Variants in ZHX2 observed in about 807,000 individuals in gnomAD.
ZHX2 encodes the protein zinc fingers and homeoboxes 2.
In ZHX2, 6 loss-of-function variants were observed where a neutral mutation model predicts 21.9. The ratio of observed to expected loss-of-function variants is 0.27; its 90% CI spans 0.15 to 0.54. The LOEUF (loss-of-function observed/expected upper bound fraction) is 0.54. Among genes scored for constraint, ZHX2 ranks in the 20% least tolerant of loss-of-function variants. The probability of loss-of-function intolerance (pLI) is 0.95; values close to 1 mark genes in which losing one functional copy is unlikely to be tolerated. For synonymous variants in ZHX2, 434 were observed against 437.1 expected (o/e 0.99, Z 0.09); for missense variants, 908 against 1,090.7 (o/e 0.83, Z 2.36).
At chr8:122,826,815 C>CA (rs199835324) in intron 1 of ZHX2, among the ~76,000 whole-genome samples, 5,588 of 152,264 alleles carry the variant, frequency 0.037, 163 homozygotes, top group South Asian at 0.074. Context: ...GTTACATGTG[C>CA]AGGGTCACAG....
At chr8:122,964,071 G>A (rs1271031563) in intron 3 of ZHX2, among the ~76,000 whole-genome samples, 2 of 151,956 alleles carry the variant, frequency 1.3e-5, no homozygotes, top group Non-Finnish European at 2.9e-5. Context: ...GGTTTTCTAG[G>A]TATATAATCA....
At chr8:122,795,091 A>G (rs1817593145) in intron 1 of ZHX2, among the ~76,000 whole-genome samples, 1 of 152,214 alleles carries the variant, frequency 6.6e-6, no homozygotes, top group South Asian at 2.1e-4. Flanking sequence ...TAGGCTCAAA[A>G]TTAATGTCTG....
At chr8:122,955,166 C>T (rs183156462) in intron 3 of ZHX2, among the ~76,000 whole-genome samples, 1 of 149,288 alleles carries the variant, frequency 6.7e-6, no homozygotes, top group East Asian at 2.0e-4. Flanking sequence ...ATTCTGCTTC[C>T]TAAGAGGTCA....
At chr8:122,808,031 C>T (rs1817857034) in intron 1 of ZHX2, among the ~76,000 whole-genome samples, 1 of 152,212 alleles carries the variant, frequency 6.6e-6, no homozygotes, top group Non-Finnish European at 1.5e-5. Flanking sequence ...GCCTTAGTGC[C>T]TGCTTCTAAC....
intron 2 of ZHX2, among the ~76,000 whole-genome samples, chr8:122,923,912 T>G (rs527282956): frequency 6.6e-6 from 1 of 152,300 alleles, no homozygotes; most frequent in African/African-American, 2.4e-5. Context: ...TTCCAAGCAT[T>G]TATACATCAA....
At chr8:122,929,595 A>G (rs925991792) in intron 2 of ZHX2, among the ~76,000 whole-genome samples, 2 of 151,328 alleles carry the variant, frequency 1.3e-5, no homozygotes, top group African/African-American at 4.9e-5. Flanking sequence ...GTGAGCCAAG[A>G]TTGTGCAACT....
chr8:122,955,080 G>GC lies in ZHX2; in HGVS notation c.*4+1052_*4+1053insC, dbSNP rs1554589370. On this transcript the variant is annotated intron_variant, in intron 3 of 3. Coordinates refer to ENST00000314393, the MANE Select transcript of ZHX2 (RefSeq NM_014943.5). ...AGAGTCACATAAGCCGGGGGGGGGG[G>GC]GGTGGCAGGGCGGTTTCCATGGTTA... is the stretch of plus-strand genomic sequence containing the variant. 5.6e-5 allele frequency among the ~76,000 whole-genome samples: 8 copies of GC among 143,734 alleles called. 1 individual carries two copies. Among genetic ancestry groups the GC allele is most frequent in the African/African-American group, 1.6e-4 (6 of 38,436 alleles). 94.3% of individuals were successfully genotyped at this position (143,734 alleles called of 152,430 possible). A position where few individuals can be genotyped will look rare whatever the true frequency, so the allele number is the denominator to read the frequency against.
intron 2 of ZHX2, among the ~76,000 whole-genome samples, chr8:122,880,710 G>T (rs977538562): frequency 1.4e-5 from 2 of 144,126 alleles, no homozygotes; most frequent in South Asian, 5.0e-4. Context: ...AGGAGGCTGA[G>T]GTTGCAGTGA....
chr8:122,912,726 T>C lies in ZHX2; in HGVS notation c.-219-38566T>C, dbSNP rs75612533. ...AAGTGGCTTTCTCAAGGCCACATAC[T>C]GATTTGTTAGCAAATACTTAAGCAC... is the stretch of plus-strand genomic sequence containing the variant. On this transcript the variant is annotated intron_variant, in intron 2 of 3. Transcript: ENST00000314393. Among the ~76,000 whole-genome samples, 406 of 152,306 alleles carry C rather than the reference T, an allele frequency of 2.7e-3. 3 individuals are homozygous for C. The highest frequency in any genetic ancestry group is 9.2e-3 in the African/African-American group (383 of 41,558).
chr8:122,960,257 G>A (rs775583699), intron 3 of ZHX2, among the ~76,000 whole-genome samples: 7 of 152,172 alleles, frequency 4.6e-5, no homozygotes, highest in Middle Eastern at 6.8e-3. Flanking sequence ...GAGGTAATGG[G>A]GCCAGGCACA....
intron 2 of ZHX2, among the ~76,000 whole-genome samples, chr8:122,877,354 A>C (rs1361923665): frequency 6.6e-6 from 1 of 152,238 alleles, no homozygotes; most frequent in East Asian, 1.9e-4. Context: ...GGTACCATGC[A>C]TACAATTATA....
chr8:122,874,432 C>T (rs1022848491), intron 2 of ZHX2, among the ~76,000 whole-genome samples: 1 of 152,182 alleles, frequency 6.6e-6, no homozygotes, highest in African/African-American at 2.4e-5. Flanking sequence ...TCCTGGGGTT[C>T]AAGCAATTCT....
chr8:122,842,084 C>T (rs936516495), intron 1 of ZHX2, among the ~76,000 whole-genome samples: 3 of 152,234 alleles, frequency 2.0e-5, no homozygotes, highest in African/African-American at 7.2e-5. Context: ...GAGAAGGGCA[C>T]TGGCTTTGGA....
chr8:122,938,210 G>A (rs994293525), intron 2 of ZHX2, among the ~76,000 whole-genome samples: 2 of 151,708 alleles, frequency 1.3e-5, no homozygotes, highest in Admixed American at 6.6e-5. Flanking sequence ...CGGGATTACA[G>A]GCATGAGCCA....
At chr8:122,851,922 G>A (rs1818911152) in intron 1 of ZHX2, among the ~76,000 whole-genome samples, 1 of 152,204 alleles carries the variant, frequency 6.6e-6, no homozygotes, top group Non-Finnish European at 1.5e-5. Flanking sequence ...AAATGGAAAC[G>A]CATTGCGTGA....
chr8:122,884,962 T>A (rs777296351), intron 2 of ZHX2, among the ~76,000 whole-genome samples: 5 of 152,202 alleles, frequency 3.3e-5, no homozygotes, highest in African/African-American at 9.7e-5. Flanking sequence ...GTGATCTGAT[T>A]TACATTTTTT....
At chr8:122,822,593 C>T (rs1051337007) in intron 1 of ZHX2, among the ~76,000 whole-genome samples, 6 of 152,202 alleles carry the variant, frequency 3.9e-5, no homozygotes, top group African/African-American at 9.6e-5. Flanking sequence ...GTGACGAGAG[C>T]CTCCCAAGCA....
intron 2 of ZHX2, among the ~76,000 whole-genome samples, chr8:122,914,346 G>A (rs543377581): frequency 2.0e-5 from 3 of 152,340 alleles, no homozygotes; most frequent in East Asian, 1.9e-4. Flanking sequence ...CCAGGTCACC[G>A]TAACCACAAA....
At chr8:122,944,247 CCT>C (rs1328769016) in intron 2 of ZHX2, among the ~76,000 whole-genome samples, 1 of 152,116 alleles carries the variant, frequency 6.6e-6, no homozygotes, top group African/African-American at 2.4e-5. Flanking sequence ...AGACATTTAC[CCT>C]CTCTGGTCTT....
Sources: allele counts gnomAD v4.1 joint callset (sites outside exome capture counted in the v4.1 genomes callset), GRCh38; gene constraint gnomAD v4.1.1; transcripts MANE v1.5; gene names NCBI Gene and HGNC (gene_info 2026-07-23, HGNC 2026-07-21).